The following SHOX2 variants were observed in gnomAD, a reference collection of about 807,000 sequenced individuals.
SHOX2 encodes SHOX homeobox 2.
SHOX2 carries 13 observed loss-of-function variants against 31.3 expected under a neutral mutation model. That is an observed-to-expected ratio of 0.42 (90% CI 0.27 to 0.66). The LOEUF is 0.66. Ranked by LOEUF, SHOX2 falls within the 30% of genes least tolerant of loss-of-function variation. The pLI is 0.27. For missense variants in SHOX2, 473 were observed against 443.0 expected, an observed-to-expected ratio of 1.07 and a Z score of -0.61; for synonymous variants, 244 against 196.2, an observed-to-expected ratio of 1.24 and a Z score of -2.04.
rs1713263023 is a variant in SHOX2 at position 158,098,246 on chromosome 3, G to T, written c.741C>A (p.His247Gln). The change falls in exon 5 of 5, where the codon CAC (histidine) becomes CAA (glutamine). Residue 247 changes from histidine to glutamine, a missense_variant. By Grantham distance (24) the His-to-Gln change is conservative (BLOSUM62 0). Around this residue, in one of 3 missense-constraint regions of SHOX2, gnomAD observed 182 missense variants for 167.2 expected, o/e 1.09. Coordinates refer to ENST00000483851, the MANE Select transcript of SHOX2 (RefSeq NM_001163678.2). ...GGTGCGGATGCAGGTGGTGGTGCGCGTGCGCCACAGCGCTGTCCAGCTGCA... is the reference window on the plus strand; with the variant it reads ...GGTGCGGATGCAGGTGGTGGTGCGCTTGCGCCACAGCGCTGTCCAGCTGCA... ...AQLQLDSAVA[H>Q]AHHHLHPHLA... 5.6e-6 allele frequency: 9 copies of T among 1,613,912 alleles called. No homozygotes were observed. The highest frequency in any genetic ancestry group is 1.7e-4 in the Middle Eastern group (1 of 6,056).
chr3:158,105,989 A>C lies in SHOX2; in HGVS notation c.36T>G (p.Phe12Leu), dbSNP rs1014140147. The change falls in exon 1 of 5, where the codon TTT becomes TTG. Residue 12 changes from phenylalanine to leucine, a missense_variant. Transcript: ENST00000483851. ...EELTAFVSKS[F>L]DQKVKEKKEA... ...CCTTCTTCTCCTTCACTTTCTGGTC[A>C]AAAGACTTGGAGACGAACGCCGTAA... The C allele has an allele frequency of 1.9e-6, 3 of 1,613,050 alleles. No individual in the cohort carries two copies. Among genetic ancestry groups the C allele is most frequent in the Non-Finnish European group, 2.5e-6 (3 of 1,179,732 alleles).
At chr3:158,103,394 G>A (rs1474452099) in intron 1 of SHOX2, 1 of 182,970 alleles carries the variant, frequency 5.5e-6, no homozygotes, top group Non-Finnish European at 1.2e-5. Flanking sequence ...CACCACCGCT[G>A]GCTCTCTGCC....
At position 158,101,888 on chromosome 3, in the gene SHOX2, T is replaced by G. The variant is rs138266246; in HGVS notation, c.555+790A>C. On this transcript the variant is annotated intron_variant, in intron 2 of 4. Coordinates refer to ENST00000483851, the MANE Select transcript of SHOX2 (RefSeq NM_001163678.2). ...AATGTACACAATTTGCTCCTTTAAA[T>G]GCCCCCAAAGCCTATTTTTGCTATT... 3.6e-3 allele frequency among the ~76,000 whole-genome samples: 545 copies of G among 152,316 alleles called. 2 individuals carry two copies. The highest frequency in any genetic ancestry group is 0.012 in the African/African-American group (506 of 41,570).
Position 158,105,861 on chromosome 3 carries a change from G to A in SHOX2, c.164C>T (p.Ala55Val), listed in dbSNP as rs1231543441. The change falls in exon 1 of 5, where the codon GCA (alanine) becomes GTA (valine). Residue 55 changes from alanine (A) to valine (V), a missense_variant. Transcript: ENST00000483851. ...EAGRDDRSSP[A>V]VRAAGGGGGG... is the part of the protein sequence containing the mutation. ...GCCGCCTCCGCCGGCCGCCCGGACT[G>A]CCGGGCTGCTGCGGTCGTCGCGGCC... 14 of 1,475,812 alleles carry A rather than the reference G, an allele frequency of 9.5e-6. No homozygotes were observed. Among genetic ancestry groups the A allele is most frequent in the Non-Finnish European group, 1.2e-5 (13 of 1,118,570 alleles). The allele number at this position is 1,475,812 out of a possible 1,614,324, so 91.4% of individuals were successfully genotyped here. A position where few individuals can be genotyped will look rare whatever the true frequency, so the allele number is the denominator to read the frequency against.
intron 4 of SHOX2, among the ~76,000 whole-genome samples, chr3:158,099,206 A>C (rs1291506235): frequency 1.3e-5 from 2 of 152,216 alleles, no homozygotes; most frequent in Non-Finnish European, 2.9e-5. Flanking sequence ...TCAGGCTTGG[A>C]AAGTGGGGAG....
intron 4 of SHOX2, 67 bp from the exon 5 acceptor site, chr3:158,098,351 T>C (rs1713271994): frequency 6.4e-7 from 1 of 1,564,936 alleles, no homozygotes; most frequent in African/African-American, 1.4e-5. Flanking sequence ...AAACAGAGCA[T>C]TAACGGCGTC....
At chr3:158,101,798 A>T (rs1713509477) in intron 2 of SHOX2, among the ~76,000 whole-genome samples, 1 of 152,166 alleles carries the variant, frequency 6.6e-6, no homozygotes, top group Admixed American at 6.5e-5. Context: ...TTATTATCTG[A>T]GCGGAAATAC....
At chr3:158,098,371 CAG>C (rs773409003) in intron 4 of SHOX2, 87 bp from the exon 5 acceptor site, 12 of 1,529,588 alleles carry the variant, frequency 7.8e-6, no homozygotes, top group Admixed American at 1.8e-5. Flanking sequence ...CCAGCTTGGC[CAG>C]AGAGAGAGTT....
In SHOX2 at chr3:158,097,834, C is replaced by T; in HGVS notation, c.*193G>A. ...CAGGAGCCACGGAGCCTGCGTGCCT[C>T]GTGAGATCCCTGGTCCTGCGTGGAG... is the stretch of plus-strand genomic sequence containing the variant. On this transcript the variant is annotated 3_prime_UTR_variant, in exon 5 of 5. Coordinates refer to ENST00000483851, the MANE Select transcript of SHOX2 (RefSeq NM_001163678.2). 1.4e-6 allele frequency: 1 copy of T among 736,876 alleles called. No homozygotes were observed. Among genetic ancestry groups the T allele is most frequent in the Non-Finnish European group, 2.2e-6 (1 of 450,434 alleles). The allele number at this position is 736,876 out of a possible 1,614,324, so 45.6% of individuals were successfully genotyped here. A position where few individuals can be genotyped will look rare whatever the true frequency, so the allele number is the denominator to read the frequency against.
rs969972581 is a variant in SHOX2 at position 158,102,666 on chromosome 3, G to A, written c.555+12C>T. The A allele has an allele frequency of 6.2e-7, 1 of 1,613,274 alleles. No homozygotes were observed. Among genetic ancestry groups the A allele is most frequent in the Non-Finnish European group, 8.5e-7 (1 of 1,179,598 alleles). ...TGCTCCCTGGGCCCTCGACCTCCTG[G>A]CAGCTGGGTACCTGCACTCGGGCCT... On this transcript the variant is annotated intron_variant, in intron 2 of 4. Coordinates refer to ENST00000483851, the MANE Select transcript of SHOX2 (RefSeq NM_001163678.2).
intron 2 of SHOX2, among the ~76,000 whole-genome samples, chr3:158,102,394 A>C (rs1713545980): frequency 6.6e-6 from 1 of 151,980 alleles, no homozygotes; most frequent in African/African-American, 2.4e-5. Context: ...CATTAAAGCC[A>C]GTGCGAGGCA....
In SHOX2 at chr3:158,097,890, G is replaced by A. The variant is rs117049680; in HGVS notation, c.*137C>T. ...CTTTCCGAGTCCAAGATGCGATAGG[G>A]GACGAGGGATGGTCAGTGAGGCGGG... On this transcript the variant is annotated 3_prime_UTR_variant, in exon 5 of 5. Coordinates refer to ENST00000483851, the MANE Select transcript of SHOX2 (RefSeq NM_001163678.2). The A allele has an allele frequency of 1.6e-3, 1,812 of 1,132,240 alleles. 46 individuals are homozygous for A. The East Asian group carries it at 0.04, about 25-fold the overall frequency. 70.1% of individuals were successfully genotyped at this position (1,132,240 alleles called of 1,614,324 possible). A position where few individuals can be genotyped will look rare whatever the true frequency, so the allele number is the denominator to read the frequency against.
chr3:158,106,251 G>A lies in SHOX2; in HGVS notation c.-227C>T. ...GAAGTAAGAAGAGGAGGAGGAGGAA[G>A]AAGAGGAAGAGGGGGAGAAGGGTGA... On this transcript the variant is annotated 5_prime_UTR_variant, in exon 1 of 5. Coordinates refer to ENST00000483851, the MANE Select transcript of SHOX2 (RefSeq NM_001163678.2). 4.9e-6 allele frequency: 3 copies of A among 611,362 alleles called. No homozygotes were observed. Among genetic ancestry groups the A allele is most frequent in the Non-Finnish European group, 7.9e-6 (3 of 379,712 alleles). 37.9% of individuals were successfully genotyped at this position (611,362 alleles called of 1,614,324 possible).
intron 4 of SHOX2, among the ~76,000 whole-genome samples, chr3:158,099,084 G>C (rs1713316585): frequency 1.3e-5 from 2 of 152,148 alleles, no homozygotes; most frequent in African/African-American, 4.8e-5. Context: ...CTGTCTCCCC[G>C]GTCCAAGTCA....
rs1713937306 is a variant in SHOX2 at position 158,106,329 on chromosome 3, GA to G, written c.-306del. The G allele has an allele frequency of 4.7e-6, 2 of 429,936 alleles. No individual in the cohort carries two copies. Among genetic ancestry groups the G allele is most frequent in the African/African-American group, 2.1e-5 (1 of 47,308 alleles). The allele number at this position is 429,936 out of a possible 1,614,324, so 26.6% of individuals were successfully genotyped here. On this transcript the variant is annotated 5_prime_UTR_variant, in exon 1 of 5. Coordinates refer to ENST00000483851, the MANE Select transcript of SHOX2 (RefSeq NM_001163678.2). ...GAGAAGGGGCGGGGGCTGCCGGAGG[GA>G]AATGGGAACTGATGCTTCCCTGCCG...
intron 4 of SHOX2, among the ~76,000 whole-genome samples, chr3:158,099,550 ACAAAATCTTAAT>A (rs1713355291): frequency 6.6e-6 from 1 of 152,216 alleles, no homozygotes; most frequent in Non-Finnish European, 1.5e-5. Context: ...ATTGGATTTG[ACAAAATCTTAAT>A]CAAAAGGCTT....
intron 1 of SHOX2, chr3:158,103,182 C>G (rs1466201698): frequency 1.7e-5 from 8 of 484,550 alleles, no homozygotes; most frequent in Admixed American, 6.7e-5. Context: ...ATTCACCCCC[C>G]AGTCACCGGC....
At chr3:158,105,211 C>A in intron 1 of SHOX2, 1 of 849,902 alleles carries the variant, frequency 1.2e-6, no homozygotes. Context: ...TTGGCGGCCC[C>A]AAACACCTAG....
rs969756044 is a variant in SHOX2, at chr3:158,106,032, G to C, written c.-8C>G. On this transcript the variant is annotated 5_prime_UTR_variant, in exon 1 of 5. Coordinates refer to ENST00000483851, the MANE Select transcript of SHOX2 (RefSeq NM_001163678.2). The stretch of plus-strand genomic sequence containing the variant: ...CGCCGTAAGTTCTTCCATCGCCGCC[G>C]CACGTCAGCCCGGCGCTCAACCTCT... The C allele has an allele frequency of 5.6e-6, 9 of 1,612,208 alleles. No individual in the cohort carries two copies. In the Admixed American group the frequency reaches 8.3e-5, roughly 15 times the overall value.
Sources: allele counts gnomAD v4.1 joint callset (sites outside exome capture counted in the v4.1 genomes callset), GRCh38; gene constraint gnomAD v4.1.1; regional missense constraint gnomAD v4.1.1; transcripts MANE v1.5; gene names NCBI Gene and HGNC (gene_info 2026-07-23, HGNC 2026-07-21).